Variants in ADAMTS3 observed in about 807,000 individuals in gnomAD.
The protein encoded by ADAMTS3 is ADAM metallopeptidase with thrombospondin type 1 motif 3.
A neutral mutation model predicts 129.0 loss-of-function variants in ADAMTS3; 73 were observed. That is an observed-to-expected ratio of 0.57 (90% CI 0.47 to 0.69). The LOEUF (loss-of-function observed/expected upper bound fraction) is 0.69. ADAMTS3 is among the 30% of genes least tolerant of loss of function. The pLI is 0.00. For synonymous variants in ADAMTS3, 477 were observed against 510.8 expected, an observed-to-expected ratio of 0.93 and a Z score of 0.89; for missense variants, 1,457 against 1,514.5, an observed-to-expected ratio of 0.96 and a Z score of 0.63.
At chr4:72,458,820 C>T (rs1718690742) in intron 3 of ADAMTS3, among the ~76,000 whole-genome samples, 1 of 151,386 alleles carries the variant, frequency 6.6e-6, no homozygotes, top group Non-Finnish European at 1.5e-5. Flanking sequence ...CTCGTAAGTG[C>T]CACACCATTT....
intron 3 of ADAMTS3, among the ~76,000 whole-genome samples, chr4:72,491,209 G>A (rs895676828): frequency 1.3e-5 from 2 of 151,704 alleles, no homozygotes; most frequent in African/African-American, 4.8e-5. Flanking sequence ...AGTTCTAACA[G>A]AATTTTGTTG....
At chr4:72,523,646 C>T (rs1560549940) in intron 3 of ADAMTS3, among the ~76,000 whole-genome samples, 3 of 151,912 alleles carry the variant, frequency 2.0e-5, no homozygotes, top group Admixed American at 2.0e-4. Context: ...ATCTCTATTG[C>T]CTCTGTTAAT....
intron 4 of ADAMTS3, among the ~76,000 whole-genome samples, chr4:72,361,349 A>G (rs1323098477): frequency 6.6e-6 from 1 of 152,138 alleles, no homozygotes; most frequent in African/African-American, 2.4e-5. Flanking sequence ...AAACACACAT[A>G]CTCATAATAT....
intron 21 of ADAMTS3, among the ~76,000 whole-genome samples, chr4:72,284,832 T>C (rs890896267): frequency 3.9e-5 from 6 of 152,204 alleles, no homozygotes; most frequent in African/African-American, 1.4e-4. Flanking sequence ...AATCCAAATA[T>C]TAAGCTCATA....
intron 3 of ADAMTS3, among the ~76,000 whole-genome samples, chr4:72,452,000 G>A (rs140847999): frequency 2.6e-4 from 39 of 151,838 alleles, no homozygotes; most frequent in Admixed American, 7.2e-4. Flanking sequence ...TTAGGTGGGA[G>A]GATGCTTGAG....
intron 3 of ADAMTS3, among the ~76,000 whole-genome samples, chr4:72,505,783 G>A (rs1560541612): frequency 6.6e-6 from 1 of 152,214 alleles, no homozygotes; most frequent in East Asian, 1.9e-4. Flanking sequence ...ACTCCAGATG[G>A]CTGTAGGTCT....
intron 2 of ADAMTS3, among the ~76,000 whole-genome samples, chr4:72,563,114 A>AT (rs1480375162): frequency 6.6e-6 from 1 of 152,168 alleles, no homozygotes; most frequent in East Asian, 1.9e-4. Flanking sequence ...TCTGAGCAAT[A>AT]TTATAATTAT....
chr4:72,430,789 G>A (rs141373179), intron 3 of ADAMTS3, among the ~76,000 whole-genome samples: 3 of 150,466 alleles, frequency 2.0e-5, no homozygotes, highest in Non-Finnish European at 4.4e-5. Flanking sequence ...GTTAAGAAAG[G>A]GAAAGTCTGG....
chr4:72,526,749 T>C (rs1322329148), intron 3 of ADAMTS3, among the ~76,000 whole-genome samples: 30 of 63,336 alleles, frequency 4.7e-4, no homozygotes, highest in Middle Eastern at 0.01. Context: ...TATATATATA[T>C]ATATATATAT....
chr4:72,533,216 T>C (rs1721089834), intron 3 of ADAMTS3, among the ~76,000 whole-genome samples: 2 of 152,214 alleles, frequency 1.3e-5, no homozygotes, highest in South Asian at 4.1e-4. Context: ...AAATTGTTTT[T>C]GGTTTTTAAA....
chr4:72,407,445 A>G (rs1257031255), intron 4 of ADAMTS3, among the ~76,000 whole-genome samples: 1 of 152,160 alleles, frequency 6.6e-6, no homozygotes, highest in Non-Finnish European at 1.5e-5. Context: ...CCTGTAGCAC[A>G]TGGAATAAAA....
At chr4:72,418,622 C>G (rs1481606785) in intron 3 of ADAMTS3, among the ~76,000 whole-genome samples, 1 of 152,194 alleles carries the variant, frequency 6.6e-6, no homozygotes, top group Non-Finnish European at 1.5e-5. Context: ...ACCATTTCCA[C>G]TTACTGCCAC....
At chr4:72,320,679 C>T in intron 7 of ADAMTS3, 35 bp downstream of exon 7, 3 of 1,601,402 alleles carry the variant, frequency 1.9e-6, no homozygotes, top group Non-Finnish European at 2.6e-6. Flanking sequence ...AAAGTCATGC[C>T]CTCAAGTATT....
intron 3 of ADAMTS3, among the ~76,000 whole-genome samples, chr4:72,530,291 T>C (rs1578767832): frequency 1.2e-5 from 1 of 83,402 alleles, no homozygotes; most frequent in South Asian, 4.0e-4. Flanking sequence ...TAATAACATA[T>C]AATATATAAT....
intron 3 of ADAMTS3, among the ~76,000 whole-genome samples, chr4:72,467,887 T>A (rs1324310188): frequency 3.3e-5 from 5 of 152,056 alleles, no homozygotes; most frequent in African/African-American, 1.2e-4. Context: ...GTGCCTACCA[T>A]CCTACAGCAA....
intron 4 of ADAMTS3, among the ~76,000 whole-genome samples, chr4:72,380,793 T>C (rs999656802): frequency 6.6e-5 from 10 of 152,154 alleles, no homozygotes; most frequent in Non-Finnish European, 1.2e-4. Context: ...AAAAAATGTG[T>C]AGCAGAGATT....
chr4:72,333,848 C>CTTTTTT lies in ADAMTS3; in HGVS notation c.861+5640_861+5645dup, dbSNP rs6148516. On this transcript the variant is annotated intron_variant, in intron 5 of 21. Coordinates refer to ENST00000286657, the MANE Select transcript of ADAMTS3 (RefSeq NM_014243.3). ...TTGTTGTTGTTTGTTTGTTTGCTTG[C>CTTTTTT]TTTTTTTTTTTTTTTTTTTGAGACG... 2.6e-3 allele frequency among the ~76,000 whole-genome samples: 255 copies of CTTTTTT among 99,452 alleles called. 11 individuals carry two copies. Among genetic ancestry groups the CTTTTTT allele is most frequent in the African/African-American group, 3.2e-3 (81 of 25,528 alleles). The allele number at this position is 99,452 out of a possible 152,430, so 65.2% of individuals were successfully genotyped here. A position where few individuals can be genotyped will look rare whatever the true frequency, so the allele number is the denominator to read the frequency against.
Position 72,520,509 on chromosome 4 carries a change from C to T in ADAMTS3, c.504+27969G>A, listed in dbSNP as rs560977505. Among the ~76,000 whole-genome samples the T allele has an allele frequency of 5.5e-3, 832 of 152,330 alleles. 13 individuals are homozygous for T. Among genetic ancestry groups the T allele is most frequent in the African/African-American group, 0.019 (785 of 41,582 alleles). On this transcript the variant is annotated intron_variant, in intron 3 of 21. Coordinates refer to ENST00000286657, the MANE Select transcript of ADAMTS3 (RefSeq NM_014243.3). ...TGGGCTCCACCCAGTTGGAGCTTCC[C>T]GGCTGCTTTGTTTACCTAAGCGAGC...
chr4:72,389,065 T>G (rs550286359), intron 4 of ADAMTS3, among the ~76,000 whole-genome samples: 30 of 152,250 alleles, frequency 2.0e-4, no homozygotes, highest in African/African-American at 7.0e-4. Context: ...AAAAATTAGG[T>G]GTTCAGTATC....
Sources: allele counts gnomAD v4.1 joint callset (sites outside exome capture counted in the v4.1 genomes callset), GRCh38; gene constraint gnomAD v4.1.1; transcripts MANE v1.5; gene names NCBI Gene and HGNC (gene_info 2026-07-23, HGNC 2026-07-21).